The following SEMA5A variants were observed in gnomAD, a reference collection of about 807,000 sequenced individuals.
SEMA5A encodes the protein semaphorin 5A.
A neutral mutation model predicts 135.5 loss-of-function variants in SEMA5A; 55 were observed. The ratio of observed to expected loss-of-function variants is 0.41; its 90% CI spans 0.33 to 0.51. The LOEUF is 0.51. Among genes scored for constraint, SEMA5A ranks in the 20% least tolerant of loss-of-function variants. The pLI, the probability that SEMA5A is intolerant of heterozygous loss-of-function variation, is 0.37. For missense variants in SEMA5A, 1,290 were observed against 1,419.9 expected, an observed-to-expected ratio of 0.91 and a Z score of 1.47; for synonymous variants, 580 against 546.5, an observed-to-expected ratio of 1.06 and a Z score of -0.85.
chr5:9,325,147 G>T (rs1752812710), intron 4 of SEMA5A, among the ~76,000 whole-genome samples: 1 of 152,120 alleles, frequency 6.6e-6, no homozygotes, highest in African/African-American at 2.4e-5. Flanking sequence ...TTACCAAAAT[G>T]AAAAGCAAGA....
intron 16 of SEMA5A, among the ~76,000 whole-genome samples, chr5:9,072,934 T>C (rs1352371757): frequency 6.6e-6 from 1 of 152,198 alleles, no homozygotes; most frequent in Non-Finnish European, 1.5e-5. Flanking sequence ...TGACAGAATC[T>C]GTAGTCAACA....
chr5:9,278,494 C>T (rs1750379101), intron 5 of SEMA5A, among the ~76,000 whole-genome samples: 2 of 152,186 alleles, frequency 1.3e-5, no homozygotes, highest in Admixed American at 1.3e-4. Context: ...AAGCCTGCTG[C>T]AGAAATGTGC....
intron 5 of SEMA5A, among the ~76,000 whole-genome samples, chr5:9,307,869 C>T (rs986458812): frequency 3.3e-5 from 5 of 152,088 alleles, no homozygotes; most frequent in African/African-American, 9.7e-5. Context: ...TGCCTGACTT[C>T]GTTTCATGAA....
At chr5:9,175,870 G>C (rs898505003) in intron 11 of SEMA5A, among the ~76,000 whole-genome samples, 1 of 152,060 alleles carries the variant, frequency 6.6e-6, no homozygotes, top group Admixed American at 6.5e-5. Flanking sequence ...AGGGTTTTTG[G>C]GGGATGAGAA....
At chr5:9,173,513 T>C (rs1744041008) in intron 11 of SEMA5A, among the ~76,000 whole-genome samples, 1 of 152,102 alleles carries the variant, frequency 6.6e-6, no homozygotes, top group Non-Finnish European at 1.5e-5. Context: ...TCCTCACAGA[T>C]GACACCTTCC....
intron 1 of SEMA5A, among the ~76,000 whole-genome samples, chr5:9,473,642 G>A (rs1001970074): frequency 6.6e-6 from 1 of 152,028 alleles, no homozygotes; most frequent in African/African-American, 2.4e-5. Context: ...AGGAGGGGCT[G>A]GGGAGGAGTA....
At chr5:9,349,066 C>T (rs192836021) in intron 3 of SEMA5A, among the ~76,000 whole-genome samples, 14 of 152,186 alleles carry the variant, frequency 9.2e-5, no homozygotes, top group Non-Finnish European at 1.9e-4. Context: ...CTTCTTCAGA[C>T]CTTAGGATTC....
chr5:9,416,523 C>T (rs979915434), intron 2 of SEMA5A, among the ~76,000 whole-genome samples: 4 of 152,140 alleles, frequency 2.6e-5, no homozygotes, highest in African/African-American at 9.7e-5. Flanking sequence ...ACCCCAGAGC[C>T]TCTCACCTGC....
intron 1 of SEMA5A, among the ~76,000 whole-genome samples, chr5:9,477,611 T>C (rs934558597): frequency 6.6e-6 from 1 of 152,180 alleles, no homozygotes; most frequent in African/African-American, 2.4e-5. Context: ...GTGCCCCTGC[T>C]CTAGGGACCT....
Position 9,277,125 on chromosome 5 carries a change from C to A in SEMA5A, c.271-39235G>T, listed in dbSNP as rs550212412. 1.5e-4 allele frequency among the ~76,000 whole-genome samples: 23 copies of A among 152,160 alleles called. No individual in the cohort carries two copies. In the South Asian group the frequency reaches 4.2e-3, roughly 27 times the overall value. ...TCAAACAAATTTACACGGAAAAAAACAAACAACCCCATCAAAAAGTGGGCA... is the reference window on the plus strand; with the variant it reads ...TCAAACAAATTTACACGGAAAAAAAAAAACAACCCCATCAAAAAGTGGGCA... On this transcript the variant is annotated intron_variant, in intron 5 of 22. Transcript: ENST00000382496.
chr5:9,464,401 A>G (rs865824583), intron 1 of SEMA5A, among the ~76,000 whole-genome samples: 4 of 152,202 alleles, frequency 2.6e-5, no homozygotes, highest in Non-Finnish European at 4.4e-5. Flanking sequence ...AAATTTCTGG[A>G]AAGAACTGTT....
At chr5:9,345,290 A>C (rs1345922067) in intron 3 of SEMA5A, among the ~76,000 whole-genome samples, 2 of 152,148 alleles carry the variant, frequency 1.3e-5, no homozygotes, top group Non-Finnish European at 2.9e-5. Context: ...TCCTTCAACA[A>C]TCTAACTTGG....
At chr5:9,248,556 C>CAA (rs57718636) in intron 5 of SEMA5A, among the ~76,000 whole-genome samples, 67,827 of 143,780 alleles carry the variant, frequency 0.47, 16,501 homozygotes, top group East Asian at 0.77. Flanking sequence ...ACTCATACGG[C>CAA]AAAAAAAAAA....
Position 9,202,033 on chromosome 5 carries a change from G to C in SEMA5A, c.854C>G (p.Pro285Arg), listed in dbSNP as rs1460062479. 2.5e-6 allele frequency: 4 copies of C among 1,614,164 alleles called. No homozygotes were observed. Among genetic ancestry groups the C allele is most frequent in the Middle Eastern group, 1.6e-4 (1 of 6,062 alleles). The change falls in exon 9 of 23, where the codon CCC becomes CGC. Residue 285 changes from proline to arginine, a missense_variant. Physicochemically the swap from Pro to Arg is moderately radical, Grantham distance 103. Coordinates refer to ENST00000382496, the MANE Select transcript of SEMA5A (RefSeq NM_003966.3). ...RLNCSRPGEV[P>R]FYYNELQSTF... is the part of the protein sequence containing the mutation. ...ACTCTGCAATTCGTTGTAGTAAAAG[G>C]GGACTTCCCCAGGACGGGAGCAGTT...
chr5:9,280,986 CA>C (rs1300662496), intron 5 of SEMA5A, among the ~76,000 whole-genome samples: 1 of 151,990 alleles, frequency 6.6e-6, no homozygotes, highest in Non-Finnish European at 1.5e-5. Flanking sequence ...TGAGAAAAAC[CA>C]CTTTAAAAGT....
intron 11 of SEMA5A, among the ~76,000 whole-genome samples, chr5:9,185,579 T>C (rs1293236528): frequency 2.0e-5 from 3 of 152,266 alleles, no homozygotes; most frequent in East Asian, 1.9e-4. Context: ...CAAAAAGAGA[T>C]CACATTCCTT....
rs142029322 is a variant in SEMA5A at position 9,286,498 on chromosome 5, T to C, written c.270+31874A>G. Among the ~76,000 whole-genome samples the C allele has an allele frequency of 2.8e-3, 430 of 152,220 alleles. 1 individual carries two copies. The highest frequency in any genetic ancestry group is 9.8e-3 in the African/African-American group (405 of 41,518). On this transcript the variant is annotated intron_variant, in intron 5 of 22. Transcript: ENST00000382496. ...TTTGCTGATTGAGTTTGACTTCCCA[T>C]GTAATGCTTTGGGCAACGGATATTT...
rs189375850 is a variant in SEMA5A, at chr5:9,433,556, G to C, written c.-78+4200C>G. Among the ~76,000 whole-genome samples, 400 of 150,138 alleles carry C rather than the reference G, an allele frequency of 2.7e-3. 2 individuals carry two copies. The highest frequency in any genetic ancestry group is 4.3e-3 in the Non-Finnish European group (288 of 67,518). On this transcript the variant is annotated intron_variant, in intron 2 of 22. Coordinates refer to ENST00000382496, the MANE Select transcript of SEMA5A (RefSeq NM_003966.3). ...ATCTGGACAAATAATTCTCACACACGCTTGTTTGTCTCTGTCTCTCTCTTT... is the reference window on the plus strand; with the variant it reads ...ATCTGGACAAATAATTCTCACACACCCTTGTTTGTCTCTGTCTCTCTCTTT...
intron 8 of SEMA5A, among the ~76,000 whole-genome samples, chr5:9,213,814 A>C (rs1441591333): frequency 6.6e-6 from 1 of 152,206 alleles, no homozygotes; most frequent in Non-Finnish European, 1.5e-5. Context: ...AGGAAGAACC[A>C]GAGGCACTGT....
Sources: allele counts gnomAD v4.1 joint callset (sites outside exome capture counted in the v4.1 genomes callset), GRCh38; gene constraint gnomAD v4.1.1; transcripts MANE v1.5; gene names NCBI Gene and HGNC (gene_info 2026-07-23, HGNC 2026-07-21).